Variants in XKR4 observed in about 807,000 individuals in gnomAD.
The protein encoded by XKR4 is XK-related protein 4.
A neutral mutation model predicts 53.9 loss-of-function variants in XKR4; 12 were observed. That is an observed-to-expected ratio of 0.22 (90% CI 0.14 to 0.36). XKR4 has a LOEUF of 0.36. Ranked by LOEUF, XKR4 falls within the 10% of genes least tolerant of loss-of-function variation. XKR4 has a pLI of 1.00. For synonymous variants in XKR4, 354 were observed against 362.4 expected (o/e 0.98, Z 0.26); for missense variants, 799 against 859.5 (o/e 0.93, Z 0.88).
At chr8:55,471,785 C>T (rs1024151944) in intron 2 of XKR4, among the ~76,000 whole-genome samples, 2 of 152,038 alleles carry the variant, frequency 1.3e-5, no homozygotes, top group African/African-American at 4.8e-5. Context: ...GGACCTTCCC[C>T]ACCCCCTCTT....
rs1248524456 is a variant in XKR4, at chr8:55,541,536, T to C, written c.*17309T>C. The C allele has an allele frequency of 6.6e-6, 1 of 152,134 alleles. No homozygotes were observed. The highest frequency in any genetic ancestry group is 1.5e-5 in the Non-Finnish European group (1 of 68,052). 9.4% of individuals were successfully genotyped at this position (152,134 alleles called of 1,614,324 possible). On this transcript the variant is annotated 3_prime_UTR_variant, in exon 3 of 3. Transcript: ENST00000327381. ...ACATTCTGATTGTGCAAAAATGCCA[T>C]TCCTGTGCTTCCCCCTCCATTACAG...
At chr8:55,414,284 CT>C (rs1364528902) in intron 2 of XKR4, among the ~76,000 whole-genome samples, 1 of 152,092 alleles carries the variant, frequency 6.6e-6, no homozygotes, top group African/African-American at 2.4e-5. Flanking sequence ...CACATATTTA[CT>C]AATCAGATAT....
chr8:55,525,064 G>A lies in XKR4; in HGVS notation c.*837G>A, dbSNP rs1455137975. On this transcript the variant is annotated 3_prime_UTR_variant, in exon 3 of 3. Transcript: ENST00000327381. ...GTAACAGGTACACAAAGAGGAAGTGGGGAAAAAGGCAAAATGAGAGTCTGA... is the reference window on the plus strand; with the variant it reads ...GTAACAGGTACACAAAGAGGAAGTGAGGAAAAAGGCAAAATGAGAGTCTGA... 1 of 152,600 alleles carries A rather than the reference G, an allele frequency of 6.6e-6. No homozygotes were observed. The highest frequency in any genetic ancestry group is 1.5e-5 in the Non-Finnish European group (1 of 68,038). 9.5% of individuals were successfully genotyped at this position (152,600 alleles called of 1,614,324 possible). A position where few individuals can be genotyped will look rare whatever the true frequency, so the allele number is the denominator to read the frequency against.
chr8:55,164,592 C>A, intron 1 of XKR4: 1 of 350,400 alleles, frequency 2.9e-6, no homozygotes, highest in South Asian at 2.2e-5. Context: ...TGGGCCTAGC[C>A]CTGAGATGGC....
intron 1 of XKR4, among the ~76,000 whole-genome samples, chr8:55,185,823 C>T (rs1304689454): frequency 1.3e-5 from 2 of 152,100 alleles, no homozygotes; most frequent in Non-Finnish European, 2.9e-5. Context: ...ACCTAGATTG[C>T]CTAGTTGGCC....
intron 2 of XKR4, among the ~76,000 whole-genome samples, chr8:55,504,109 A>G (rs1055799626): frequency 6.6e-6 from 1 of 152,142 alleles, no homozygotes; most frequent in Non-Finnish European, 1.5e-5. Flanking sequence ...GCAGTTTGCC[A>G]GTATTTTGTT....
chr8:55,320,745 A>T (rs1803196921), intron 1 of XKR4, among the ~76,000 whole-genome samples: 1 of 151,950 alleles, frequency 6.6e-6, no homozygotes, highest in Non-Finnish European at 1.5e-5. Context: ...TCAAACCCCA[A>T]CTCAGTAGTA....
intron 1 of XKR4, among the ~76,000 whole-genome samples, chr8:55,133,820 C>A (rs1365260431): frequency 6.6e-6 from 1 of 152,136 alleles, no homozygotes; most frequent in African/African-American, 2.4e-5. Flanking sequence ...TTAATTTTAT[C>A]TGAATATTTA....
At chr8:55,428,611 G>A (rs941133016) in intron 2 of XKR4, among the ~76,000 whole-genome samples, 1 of 152,194 alleles carries the variant, frequency 6.6e-6, no homozygotes, top group Non-Finnish European at 1.5e-5. Flanking sequence ...CAGCGAGTCT[G>A]CTTTTCTCAA....
chr8:55,495,756 C>T (rs1804875438), intron 2 of XKR4, among the ~76,000 whole-genome samples: 1 of 152,192 alleles, frequency 6.6e-6, no homozygotes, highest in Admixed American at 6.5e-5. Flanking sequence ...CAGTCGACTG[C>T]CTTAGGGATG....
In XKR4 at chr8:55,362,706, T is replaced by C. The variant is rs187828885; in HGVS notation, c.1006+4829T>C. On this transcript the variant is annotated intron_variant, in intron 2 of 2. Coordinates refer to ENST00000327381, the MANE Select transcript of XKR4 (RefSeq NM_052898.2). Reference sequence around the variant, plus strand: ...AACCTGTAAAATGAGCAGTCAGTTTTAGTTTTGTGATTGTCATATTATGAA... The same window carrying C: ...AACCTGTAAAATGAGCAGTCAGTTTCAGTTTTGTGATTGTCATATTATGAA... Among the ~76,000 whole-genome samples, 305 of 152,326 alleles carry C rather than the reference T, an allele frequency of 2.0e-3. 2 individuals carry two copies. The highest frequency in any genetic ancestry group is 6.9e-3 in the African/African-American group (286 of 41,572).
intron 2 of XKR4, among the ~76,000 whole-genome samples, chr8:55,427,870 C>G (rs1026179344): frequency 6.6e-6 from 1 of 152,196 alleles, no homozygotes; most frequent in Non-Finnish European, 1.5e-5. Flanking sequence ...AGACACCACT[C>G]TCTTATAGTT....
chr8:55,305,785 T>C (rs1819288054), intron 1 of XKR4, among the ~76,000 whole-genome samples: 1 of 152,096 alleles, frequency 6.6e-6, no homozygotes, highest in African/African-American at 2.4e-5. Context: ...GCCCTTCCAA[T>C]CACTGAAGGA....
At chr8:55,466,187 T>A (rs1254213066) in intron 2 of XKR4, among the ~76,000 whole-genome samples, 1 of 152,134 alleles carries the variant, frequency 6.6e-6, no homozygotes, top group East Asian at 1.9e-4. Flanking sequence ...CACATGCATA[T>A]GTATGTTTAT....
In XKR4 at chr8:55,531,610, C is replaced by G. The variant is rs569472042; in HGVS notation, c.*7383C>G. ...ATTTTTAAATTGATATCACAACACA[C>G]AAAAAAATTGAAATACTCTCTTGGT... On this transcript the variant is annotated 3_prime_UTR_variant, in exon 3 of 3. Coordinates refer to ENST00000327381, the MANE Select transcript of XKR4 (RefSeq NM_052898.2). The G allele has an allele frequency of 2.0e-5, 3 of 151,752 alleles. No homozygotes were observed. Among genetic ancestry groups the G allele is most frequent in the Admixed American group, 2.0e-4 (3 of 15,250 alleles). The allele number at this position is 151,752 out of a possible 1,614,324, so 9.4% of individuals were successfully genotyped here.
chr8:55,361,351 C>T (rs369521893), intron 2 of XKR4, among the ~76,000 whole-genome samples: 57 of 152,220 alleles, frequency 3.7e-4, no homozygotes, highest in African/African-American at 1.3e-3. Flanking sequence ...AGACCCCACT[C>T]GACCGCGGAG....
At chr8:55,184,335 T>A (rs773613127) in intron 1 of XKR4, among the ~76,000 whole-genome samples, 2 of 152,180 alleles carry the variant, frequency 1.3e-5, no homozygotes, top group African/African-American at 2.4e-5. Flanking sequence ...ACTTTCAACA[T>A]CTCTAAGCTG....
chr8:55,124,493 A>G (rs1816434983), intron 1 of XKR4, among the ~76,000 whole-genome samples: 1 of 152,174 alleles, frequency 6.6e-6, no homozygotes, highest in Non-Finnish European at 1.5e-5. Context: ...TATTACTGTA[A>G]TATGGTATCT....
intron 2 of XKR4, among the ~76,000 whole-genome samples, chr8:55,469,335 G>A (rs143668599): frequency 4.9e-4 from 75 of 152,144 alleles, no homozygotes; most frequent in African/African-American, 1.7e-3. Context: ...GTCTCAGTCT[G>A]GCTTTTCACA....
Sources: gnomAD v4.1 joint callset for allele counts (sites outside exome capture counted in the v4.1 genomes callset) on GRCh38, gnomAD v4.1.1 for gene constraint, MANE v1.5 for transcripts, NCBI Gene and HGNC (gene_info 2026-07-23, HGNC 2026-07-21) for gene names.